TMEM132B: variants seen among roughly 807,000 people sequenced by gnomAD.
The protein encoded by TMEM132B is transmembrane protein 132B.
In TMEM132B, 18 loss-of-function variants were observed where a neutral mutation model predicts 90.8. That is an observed-to-expected ratio of 0.20 (90% CI 0.14 to 0.29). The LOEUF is 0.29. Ranked by LOEUF, TMEM132B falls within the 10% of genes least tolerant of loss-of-function variation. The probability of loss-of-function intolerance (pLI) is 1.00; values close to 1 mark genes in which losing one functional copy is unlikely to be tolerated. For synonymous variants in TMEM132B, 504 were observed against 523.3 expected, an observed-to-expected ratio of 0.96 and a Z score of 0.50; for missense variants, 1,096 against 1,326.8, an observed-to-expected ratio of 0.83 and a Z score of 2.70.
Position 125,408,089 on chromosome 12 carries a change from T to C in TMEM132B, c.960-7442T>C, listed in dbSNP as rs759749081. Among the ~76,000 whole-genome samples the C allele has an allele frequency of 2.6e-5, 4 of 152,206 alleles. No homozygotes were observed. Among genetic ancestry groups the C allele is most frequent in the Non-Finnish European group, 5.9e-5 (4 of 68,038 alleles). On this transcript the variant is annotated intron_variant, in intron 2 of 8. Coordinates refer to ENST00000682704, the MANE Select transcript of TMEM132B (RefSeq NM_001366854.1). The surrounding 1 kb of genome is among the most constrained non-coding windows in gnomAD (Gnocchi z 5.9). ...CAGGCTTTCACCTCGGAGATCTGTG[T>C]GCCTGCTTCTGACTTTCCACGAACG... is the stretch of plus-strand genomic sequence containing the variant.
At chr12:125,598,116 C>T (rs1357624350) in intron 5 of TMEM132B, among the ~76,000 whole-genome samples, 1 of 152,088 alleles carries the variant, frequency 6.6e-6, no homozygotes, top group Non-Finnish European at 1.5e-5. Context: ...GATCAGAACC[C>T]TAGAAGGAAA....
chr12:125,568,646 C>T (rs1375598033), intron 4 of TMEM132B, among the ~76,000 whole-genome samples: 1 of 152,210 alleles, frequency 6.6e-6, no homozygotes, highest in Non-Finnish European at 1.5e-5. Context: ...CTTCCCCCCT[C>T]TGGCTCTTTT....
chr12:125,652,510 A>G lies in TMEM132B; in HGVS notation c.1984A>G (p.Ile662Val). ...TVIVLDDRVT[I>V]AELGVQLVAG... is the part of the protein sequence containing the mutation. The stretch of plus-strand genomic sequence containing the variant: ...GATTGTCCTGGATGACCGAGTCACC[A>G]TCGCGGAGCTGGGAGTGCAGCTCGT... Residue 662 changes from isoleucine (I) to valine (V), a missense_variant, in exon 8 of 9, where the codon ATC (isoleucine) becomes GTC (valine). Ile to Val is a conservative substitution (Grantham distance 29). Transcript: ENST00000682704. The G allele has an allele frequency of 1.2e-6, 2 of 1,613,696 alleles. No homozygotes were observed. Among genetic ancestry groups the G allele is most frequent in the Non-Finnish European group, 1.7e-6 (2 of 1,179,744 alleles).
intron 3 of TMEM132B, among the ~76,000 whole-genome samples, chr12:125,464,091 A>C (rs1042094060): frequency 6.6e-6 from 1 of 152,172 alleles, no homozygotes; most frequent in Admixed American, 6.5e-5. Flanking sequence ...TTATGATTTG[A>C]GATGAGATTT....
At chr12:125,612,722 G>A (rs1885866784) in intron 5 of TMEM132B, among the ~76,000 whole-genome samples, 1 of 141,104 alleles carries the variant, frequency 7.1e-6, no homozygotes, top group Non-Finnish European at 1.5e-5. Flanking sequence ...GCTTTCTTAT[G>A]GTTGTTATTT....
chr12:125,374,182 ACTTTAGGGATGTTCCT>A (rs1878398201), intron 2 of TMEM132B, among the ~76,000 whole-genome samples: 2 of 152,210 alleles, frequency 1.3e-5, no homozygotes, highest in South Asian at 2.1e-4. Flanking sequence ...CTTGCTCTGC[ACTTTAGGGATGTTCCT>A]CTTTAGGGAT....
chr12:125,484,235 A>G (rs1460247282), intron 3 of TMEM132B, among the ~76,000 whole-genome samples: 1 of 151,262 alleles, frequency 6.6e-6, no homozygotes, highest in East Asian at 1.9e-4. Flanking sequence ...TTATCTGCAT[A>G]ATCTAATGTT....
At chr12:125,381,384 A>G (rs116884766) in intron 2 of TMEM132B, among the ~76,000 whole-genome samples, 2,360 of 152,266 alleles carry the variant, frequency 0.015, 20 homozygotes, top group Middle Eastern at 0.027. Context: ...AGGAAGATGA[A>G]GGGTCCCTGG....
intron 3 of TMEM132B, among the ~76,000 whole-genome samples, chr12:125,505,426 C>T (rs1295500409): frequency 2.0e-5 from 3 of 151,872 alleles, no homozygotes; most frequent in Admixed American, 6.6e-5. Flanking sequence ...GGGCCGGGTG[C>T]GGGGGCTCTT....
rs899687831 is a variant in TMEM132B, at chr12:125,209,120, T to C, written c.67+22254T>C. ...GGAAGGGATTGTACTCTGATGTGGC[T>C]CTTGCCTGGGAAGCGGGAGCCAGCA... On this transcript the variant is annotated intron_variant, in intron 1 of 8. Coordinates refer to ENST00000682704, the MANE Select transcript of TMEM132B (RefSeq NM_001366854.1). The surrounding 1 kb of genome is among the most constrained non-coding windows in gnomAD (Gnocchi z 4.4). 7.9e-5 allele frequency among the ~76,000 whole-genome samples: 12 copies of C among 152,304 alleles called. No individual in the cohort carries two copies. The South Asian group carries it at 1.7e-3, about 21-fold the overall frequency.
At chr12:125,495,499 T>C (rs1882539460) in intron 3 of TMEM132B, among the ~76,000 whole-genome samples, 1 of 152,218 alleles carries the variant, frequency 6.6e-6, no homozygotes. Context: ...CTTTTTGTTG[T>C]TGCTCATCTC....
chr12:125,396,232 G>C (rs1011682939), intron 2 of TMEM132B, among the ~76,000 whole-genome samples: 2 of 152,170 alleles, frequency 1.3e-5, no homozygotes, highest in Non-Finnish European at 2.9e-5. Flanking sequence ...GGACAACCAG[G>C]GTTGGGAGTT....
chr12:125,462,671 G>A (rs1304701807), intron 3 of TMEM132B, among the ~76,000 whole-genome samples: 2 of 152,158 alleles, frequency 1.3e-5, no homozygotes, highest in Non-Finnish European at 2.9e-5. Context: ...TGAACTCGGA[G>A]TAGATGTTGA....
At chr12:125,508,782 T>C (rs1029127381) in intron 3 of TMEM132B, among the ~76,000 whole-genome samples, 1 of 140,068 alleles carries the variant, frequency 7.1e-6, no homozygotes, top group African/African-American at 2.6e-5. Flanking sequence ...CTTTCTTTCT[T>C]TTTTTTTTTT....
intron 1 of TMEM132B, among the ~76,000 whole-genome samples, chr12:125,319,840 C>A (rs1241610451): frequency 5.3e-5 from 8 of 152,094 alleles, no homozygotes; most frequent in Admixed American, 1.3e-4. Flanking sequence ...TATAGTGAGA[C>A]CCTGTCTCTA....
chr12:125,316,617 T>TCTTTTTCTTTTTTTTTTTTTTA, intron 1 of TMEM132B, among the ~76,000 whole-genome samples: 1 of 151,986 alleles, frequency 6.6e-6, no homozygotes, highest in Admixed American at 6.6e-5. Context: ...TAGATGATTT[T>TCTTTTTCTTTTTTTTTTTTTTA]CAGCTGAGGT....
chr12:125,495,548 T>C (rs183332134), intron 3 of TMEM132B, among the ~76,000 whole-genome samples: 5 of 152,350 alleles, frequency 3.3e-5, no homozygotes, highest in Admixed American at 2.6e-4. Context: ...TCTTATTCAT[T>C]GACATCCCTT....
At position 125,519,454 on chromosome 12, in the gene TMEM132B, C is replaced by T. The variant is rs1883248679; in HGVS notation, c.1122C>T (p.Phe374=). ...PDTQSRVNGS[F]YEILQVDFGI... is the part of the protein sequence containing the mutation. ...TGTTTTCCAGGGTAAATGGATCCTT[C>T]TATGAGATCTTGCAAGTGGACTTTG... is the stretch of plus-strand genomic sequence containing the variant. Residue 374 remains phenylalanine, a synonymous_variant, in exon 4 of 9, where the codon TTC becomes TTT. Coordinates refer to ENST00000682704, the MANE Select transcript of TMEM132B (RefSeq NM_001366854.1). 6.2e-7 allele frequency: 1 copy of T among 1,611,966 alleles called. No homozygotes were observed. Among genetic ancestry groups the T allele is most frequent in the Non-Finnish European group, 8.5e-7 (1 of 1,178,810 alleles).
At chr12:125,614,176 A>G (rs1885929285) in intron 5 of TMEM132B, among the ~76,000 whole-genome samples, 1 of 152,120 alleles carries the variant, frequency 6.6e-6, no homozygotes, top group African/African-American at 2.4e-5. Context: ...TATTTTTTAC[A>G]TGGGAATATT....
Sources: gnomAD v4.1 joint callset for allele counts (sites outside exome capture counted in the v4.1 genomes callset) on GRCh38, gnomAD v4.1.1 for gene constraint, Gnocchi (gnomAD v3.1) non-coding constraint, MANE v1.5 for transcripts, NCBI Gene and HGNC (gene_info 2026-07-23, HGNC 2026-07-21) for gene names.